The following TTC29 variants were observed in gnomAD, a reference collection of about 807,000 sequenced individuals.
TTC29 encodes tetratricopeptide repeat protein 29.
In TTC29, 49 loss-of-function variants were observed where a neutral mutation model predicts 58.1. The ratio of observed to expected loss-of-function variants is 0.84; its 90% confidence interval spans 0.67 to 1.07. The LOEUF (loss-of-function observed/expected upper bound fraction) is 1.07, where lower values mean the gene tolerates loss of function less well. TTC29 is among the 50% of genes least tolerant of loss of function. The pLI is 0.00. For missense variants in TTC29, 582 were observed against 555.6 expected, an observed-to-expected ratio of 1.05 and a Z score of -0.48; for synonymous variants, 209 against 196.8, an observed-to-expected ratio of 1.06 and a Z score of -0.52.
intron 9 of TTC29, 124 bp from the exon 10 acceptor site, chr4:146,820,372 G>A (rs1377938452): frequency 1.9e-6 from 2 of 1,079,154 alleles, no homozygotes; most frequent in South Asian, 1.7e-5. Context: ...AAGATTTAAT[G>A]TGTAAATACC....
intron 11 of TTC29, among the ~76,000 whole-genome samples, chr4:146,720,151 C>T (rs1483628526): frequency 6.6e-6 from 1 of 151,878 alleles, no homozygotes; most frequent in Non-Finnish European, 1.5e-5. Flanking sequence ...AAAATAAATA[C>T]CATAAACATG....
At chr4:146,902,476 G>C (rs1048828225) in intron 6 of TTC29, among the ~76,000 whole-genome samples, 7 of 152,134 alleles carry the variant, frequency 4.6e-5, no homozygotes, top group Non-Finnish European at 1.0e-4. Flanking sequence ...ACTATTCGAA[G>C]AAACACTCCA....
chr4:146,875,576 C>T (rs1031230038), intron 6 of TTC29, among the ~76,000 whole-genome samples: 2 of 152,110 alleles, frequency 1.3e-5, no homozygotes, highest in East Asian at 3.9e-4. Flanking sequence ...CCTTGAACTC[C>T]TGAGCTCAAG....
chr4:146,707,843 G>A (rs527539676), intron 11 of TTC29, among the ~76,000 whole-genome samples: 15 of 152,214 alleles, frequency 9.9e-5, no homozygotes, highest in Middle Eastern at 3.4e-3. Flanking sequence ...GCTGAATATG[G>A]AGGAAGTAAC....
chr4:146,849,877 G>T (rs2150181852), intron 8 of TTC29, among the ~76,000 whole-genome samples: 1 of 152,124 alleles, frequency 6.6e-6, no homozygotes, highest in Admixed American at 6.5e-5. Context: ...CTCTCTCACA[G>T]GCTTCCAGTC....
chr4:146,779,551 TTAAG>T (rs768095547), intron 11 of TTC29, among the ~76,000 whole-genome samples: 45 of 152,302 alleles, frequency 3.0e-4, no homozygotes, highest in Non-Finnish European at 5.1e-4. Flanking sequence ...ATCTCATTAA[TTAAG>T]TAAATAAATA....
chr4:146,881,247 G>A (rs955735348), intron 6 of TTC29, among the ~76,000 whole-genome samples: 1 of 151,958 alleles, frequency 6.6e-6, no homozygotes, highest in African/African-American at 2.4e-5. Flanking sequence ...CTTTTCTATC[G>A]ACTTGTACAT....
chr4:146,803,984 C>A (rs1473895866), intron 10 of TTC29, among the ~76,000 whole-genome samples: 1 of 152,154 alleles, frequency 6.6e-6, no homozygotes, highest in Non-Finnish European at 1.5e-5. Context: ...CAGCTCTGGT[C>A]TGCAGCATCC....
intron 4 of TTC29, among the ~76,000 whole-genome samples, chr4:146,914,521 G>A (rs1734093352): frequency 6.6e-6 from 1 of 152,102 alleles, no homozygotes; most frequent in African/African-American, 2.4e-5. Context: ...TAAAATTTAT[G>A]GAGAGATTTA....
At chr4:146,938,892 G>T (rs1022989859) in intron 3 of TTC29, among the ~76,000 whole-genome samples, 6 of 152,110 alleles carry the variant, frequency 3.9e-5, no homozygotes, top group African/African-American at 1.4e-4. Context: ...AAAGTCAATA[G>T]AATTACAAAT....
intron 10 of TTC29, among the ~76,000 whole-genome samples, chr4:146,807,865 G>A (rs1750721840): frequency 6.6e-6 from 1 of 152,126 alleles, no homozygotes; most frequent in African/African-American, 2.4e-5. Context: ...CAGAAAAAGA[G>A]GGACTTCTCC....
intron 11 of TTC29, among the ~76,000 whole-genome samples, chr4:146,802,165 C>A (rs1441653693): frequency 6.6e-6 from 1 of 151,666 alleles, no homozygotes; most frequent in African/African-American, 2.4e-5. Context: ...CTTTACTCAT[C>A]TTCTACTAAA....
At chr4:146,792,989 C>T (rs1828236) in intron 11 of TTC29, among the ~76,000 whole-genome samples, 4,752 of 152,232 alleles carry the variant, frequency 0.031, 246 homozygotes, top group African/African-American at 0.11. Context: ...GCCTGAATAT[C>T]TGAGTGAATT....
At chr4:146,932,066 A>G (rs62328057) in intron 4 of TTC29, among the ~76,000 whole-genome samples, 42,439 of 151,214 alleles carry the variant, frequency 0.28, 6,446 homozygotes, top group South Asian at 0.41. Context: ...CGATCTTTTC[A>G]TTCCTGGTTT....
At chr4:146,897,269 A>G (rs1732830213) in intron 6 of TTC29, among the ~76,000 whole-genome samples, 1 of 152,166 alleles carries the variant, frequency 6.6e-6, no homozygotes, top group Non-Finnish European at 1.5e-5. Flanking sequence ...TAACACATCC[A>G]GAACTGATCC....
rs960961016 is a variant in TTC29, at chr4:146,737,599, G to C, written c.1331-30048C>G. Among the ~76,000 whole-genome samples, 4 of 149,370 alleles carry C rather than the reference G, an allele frequency of 2.7e-5. 1 individual carries two copies. The highest frequency in any genetic ancestry group is 9.9e-5 in the African/African-American group (4 of 40,498). ...CTGATGCTAGTAGCCCTGGGGGGGGGGGGGCTACAAACGGGTCTTGACAGG... is the reference window on the plus strand; with the variant it reads ...CTGATGCTAGTAGCCCTGGGGGGGGCGGGGCTACAAACGGGTCTTGACAGG... On this transcript the variant is annotated intron_variant, in intron 11 of 12. Coordinates refer to ENST00000325106, the MANE Select transcript of TTC29 (RefSeq NM_031956.4).
At chr4:146,825,391 T>C (rs1160103170) in intron 9 of TTC29, among the ~76,000 whole-genome samples, 1 of 152,234 alleles carries the variant, frequency 6.6e-6, no homozygotes, top group East Asian at 1.9e-4. Flanking sequence ...AGGTGTTCAA[T>C]TTCCATGTAA....
At chr4:146,708,057 G>C (rs993442266) in intron 11 of TTC29, among the ~76,000 whole-genome samples, 6 of 151,868 alleles carry the variant, frequency 4.0e-5, no homozygotes, top group Admixed American at 2.6e-4. Flanking sequence ...TCTCCAGCCT[G>C]TGAGTGAAGC....
intron 4 of TTC29, among the ~76,000 whole-genome samples, chr4:146,929,984 C>T (rs1389862949): frequency 6.7e-6 from 1 of 149,318 alleles, no homozygotes; most frequent in East Asian, 2.0e-4. Flanking sequence ...CTTGAAGATG[C>T]TAATACACAC....
Sources: allele counts gnomAD v4.1 joint callset (sites outside exome capture counted in the v4.1 genomes callset), GRCh38; gene constraint gnomAD v4.1.1; transcripts MANE v1.5; gene names NCBI Gene and HGNC (gene_info 2026-07-23, HGNC 2026-07-21).